MAP4K5: variants seen among roughly 807,000 people sequenced by gnomAD.
MAP4K5 encodes MAPK/ERK kinase kinase kinase 5.
Under a neutral mutation model 135.6 loss-of-function variants are expected in MAP4K5, and 82 were observed. The observed-to-expected ratio is 0.60, with a 90% CI of 0.51 to 0.73. The LOEUF is 0.73. Ranked by LOEUF, MAP4K5 falls within the 30% of genes least tolerant of loss-of-function variation. The probability of loss-of-function intolerance (pLI) is 0.00; values close to 1 mark genes in which losing one functional copy is unlikely to be tolerated. For missense variants in MAP4K5, 907 were observed against 1,010.9 expected (o/e 0.90, Z 1.39); for synonymous variants, 347 against 335.0 (o/e 1.04, Z -0.39).
At position 50,429,190 on chromosome 14, in the gene MAP4K5, ACT is replaced by A; in HGVS notation, c.2233_2233+1del. 6.6e-7 allele frequency: 1 copy of A among 1,508,274 alleles called. No individual in the cohort carries two copies. Among genetic ancestry groups the A allele is most frequent in the Non-Finnish European group, 9.0e-7 (1 of 1,114,628 alleles). 93.4% of individuals were successfully genotyped at this position (1,508,274 alleles called of 1,614,324 possible). On this transcript the variant is annotated splice_donor_variant and coding_sequence_variant, in exon 29 of 33. Coordinates refer to ENST00000682126, the MANE Select transcript of MAP4K5 (RefSeq NM_006575.6). LOFTEE classifies it high-confidence loss of function. Reference sequence around the variant, plus strand: ...CAAAATAAAATTAAAAATAGTACTTACTGTCTAAACACACTAAAACGGTATCT... The same window carrying A: ...CAAAATAAAATTAAAAATAGTACTTAGTCTAAACACACTAAAACGGTATCT...
intron 12 of MAP4K5, 81 bp downstream of exon 12, chr14:50,463,971 T>C: frequency 1.3e-6 from 1 of 746,902 alleles, no homozygotes; most frequent in African/African-American, 1.9e-5. Flanking sequence ...CATTTTTATC[T>C]TAAAAACATA....
intron 3 of MAP4K5, among the ~76,000 whole-genome samples, chr14:50,489,322 T>C (rs1169205669): frequency 6.6e-6 from 1 of 152,164 alleles, no homozygotes; most frequent in Non-Finnish European, 1.5e-5. Flanking sequence ...CACTTCAGAC[T>C]GGGGAACAGA....
chr14:50,513,763 T>A (rs991925085), intron 2 of MAP4K5, among the ~76,000 whole-genome samples: 11 of 152,218 alleles, frequency 7.2e-5, no homozygotes, highest in African/African-American at 2.4e-4. Context: ...AACTTTTCCA[T>A]TAAGCCAACT....
At chr14:50,456,734 G>A (rs1010155534) in intron 13 of MAP4K5, 140 bp from the exon 14 acceptor site, 28 of 597,854 alleles carry the variant, frequency 4.7e-5, no homozygotes, top group Non-Finnish European at 7.5e-5. Flanking sequence ...TACAATGAAC[G>A]CTACAATACT....
At position 50,428,758 on chromosome 14, in the gene MAP4K5, A is replaced by T. The variant is rs769628009; in HGVS notation, c.2234-4T>A. 6.4e-6 allele frequency: 5 copies of T among 777,878 alleles called. No individual in the cohort carries two copies. The highest frequency in any genetic ancestry group is 2.7e-5 in the South Asian group (1 of 37,520). 48.2% of individuals were successfully genotyped at this position (777,878 alleles called of 1,614,324 possible). On this transcript the variant is annotated splice_polypyrimidine_tract_variant and splice_region_variant and intron_variant, in intron 29 of 32. Coordinates refer to ENST00000682126, the MANE Select transcript of MAP4K5 (RefSeq NM_006575.6). ...AGATTTACAATTTTCACAAATTCTTAAAAAAAAAAAACAAGTCAAGACTGG... is the reference window on the plus strand; with the variant it reads ...AGATTTACAATTTTCACAAATTCTTTAAAAAAAAAAACAAGTCAAGACTGG...
intron 2 of MAP4K5, among the ~76,000 whole-genome samples, chr14:50,506,291 A>G (rs1373974898): frequency 1.3e-5 from 2 of 152,220 alleles, no homozygotes; most frequent in Non-Finnish European, 2.9e-5. Flanking sequence ...GAAAAAGAAT[A>G]GAATGGGGGA....
chr14:50,511,483 A>G (rs1425255749), intron 2 of MAP4K5, among the ~76,000 whole-genome samples: 1 of 152,192 alleles, frequency 6.6e-6, no homozygotes, highest in African/African-American at 2.4e-5. Context: ...AATAAATTTT[A>G]GTGTTCTATA....
At chr14:50,426,283 TTGTCTTAA>T (rs1332094119) in intron 30 of MAP4K5, among the ~76,000 whole-genome samples, 2 of 152,204 alleles carry the variant, frequency 1.3e-5, no homozygotes, top group African/African-American at 4.8e-5. Flanking sequence ...AGTGTATCTT[TTGTCTTAA>T]ATGAATAAAA....
At chr14:50,516,497 G>C (rs1006102854) in intron 2 of MAP4K5, among the ~76,000 whole-genome samples, 2 of 152,186 alleles carry the variant, frequency 1.3e-5, no homozygotes, top group African/African-American at 4.8e-5. Flanking sequence ...AGAATAAGTA[G>C]TCAGAAGAAA....
intron 3 of MAP4K5, among the ~76,000 whole-genome samples, chr14:50,496,022 G>A (rs1046442274): frequency 6.6e-6 from 1 of 152,096 alleles, no homozygotes; most frequent in Non-Finnish European, 1.5e-5. Context: ...ACTAAAAGAT[G>A]CACTTAAAAA....
intron 2 of MAP4K5, among the ~76,000 whole-genome samples, chr14:50,523,206 G>T (rs1232483122): frequency 4.6e-5 from 7 of 152,190 alleles, no homozygotes; most frequent in Non-Finnish European, 8.8e-5. Context: ...AGCTACTAGG[G>T]AGGCTGAGGC....
intron 26 of MAP4K5, 149 bp downstream of exon 26, chr14:50,437,327 T>G: frequency 1.5e-6 from 1 of 648,984 alleles, no homozygotes; most frequent in Non-Finnish European, 2.7e-6. Context: ...CTGTCTATAT[T>G]CTTGTACTTC....
At chr14:50,473,659 C>A (rs968393440) in intron 9 of MAP4K5, among the ~76,000 whole-genome samples, 2 of 150,152 alleles carry the variant, frequency 1.3e-5, no homozygotes, top group Non-Finnish European at 3.0e-5. Flanking sequence ...TCTTTATGTT[C>A]AGAAAGCCTT....
In MAP4K5 at chr14:50,502,429, C is replaced by T. The variant is rs905321707; in HGVS notation, c.166+2371G>A. 2.6e-5 allele frequency among the ~76,000 whole-genome samples: 4 copies of T among 151,934 alleles called. No individual in the cohort carries two copies. The East Asian group carries it at 7.7e-4, about 29-fold the overall frequency. On this transcript the variant is annotated intron_variant, in intron 3 of 32. Coordinates refer to ENST00000682126, the MANE Select transcript of MAP4K5 (RefSeq NM_006575.6). ...ATGGCGAAGTAAATATCTATAATAACCAATTAGACAGTGTAAGAGGGAAAA... is the reference window on the plus strand; with the variant it reads ...ATGGCGAAGTAAATATCTATAATAATCAATTAGACAGTGTAAGAGGGAAAA...
intron 1 of MAP4K5, among the ~76,000 whole-genome samples, chr14:50,551,589 C>T (rs2038703459): frequency 6.6e-6 from 1 of 152,036 alleles, no homozygotes; most frequent in Admixed American, 6.6e-5. Context: ...AAACTACAGA[C>T]CATTATCTCT....
chr14:50,484,817 T>C (rs536739325), intron 5 of MAP4K5, among the ~76,000 whole-genome samples: 2 of 152,304 alleles, frequency 1.3e-5, no homozygotes, highest in East Asian at 1.9e-4. Flanking sequence ...GTAAACTGCA[T>C]GACTGAAATT....
At chr14:50,439,946 A>G in intron 23 of MAP4K5, 67 bp downstream of exon 23, 2 of 1,307,394 alleles carry the variant, frequency 1.5e-6, no homozygotes, top group Non-Finnish European at 2.1e-6. Flanking sequence ...AACATTTAAA[A>G]ATGGTGTATA....
intron 1 of MAP4K5, among the ~76,000 whole-genome samples, chr14:50,550,129 A>C (rs1200458042): frequency 6.6e-6 from 1 of 152,176 alleles, no homozygotes; most frequent in Non-Finnish European, 1.5e-5. Flanking sequence ...GAGCCTTATG[A>C]TATCAACATC....
intron 11 of MAP4K5, 93 bp downstream of exon 11, chr14:50,466,490 G>A: frequency 1.7e-6 from 1 of 591,124 alleles, no homozygotes; most frequent in South Asian, 2.4e-5. Context: ...TAATGTCTAT[G>A]GACTTCTGTT....
Sources: gnomAD v4.1 joint callset for allele counts (sites outside exome capture counted in the v4.1 genomes callset) on GRCh38, gnomAD v4.1.1 for gene constraint, MANE v1.5 for transcripts, NCBI Gene and HGNC (gene_info 2026-07-23, HGNC 2026-07-21) for gene names.